The following ALDH4A1 variants were observed in gnomAD, a reference collection of about 807,000 sequenced individuals.
ALDH4A1 encodes the protein aldehyde dehydrogenase 4 family member A1.
A neutral mutation model predicts 70.5 loss-of-function variants in ALDH4A1; 46 were observed. That is an observed-to-expected ratio of 0.65 (90% CI 0.51 to 0.83). The LOEUF is 0.83. Among genes scored for constraint, ALDH4A1 ranks in the 40% least tolerant of loss-of-function variants. The pLI is 0.00. For missense variants in ALDH4A1, 749 were observed against 766.5 expected, an observed-to-expected ratio of 0.98 and a Z score of 0.27; for synonymous variants, 323 against 324.3, an observed-to-expected ratio of 1.00 and a Z score of 0.04.
rs1935689800 is a variant in ALDH4A1, at chr1:18,898,283, CTG to C, written c.62+4177_62+4178del. 6.6e-6 allele frequency among the ~76,000 whole-genome samples: 1 copy of C among 152,228 alleles called. No individual in the cohort carries two copies. The highest frequency in any genetic ancestry group is 1.5e-5 in the Non-Finnish European group (1 of 68,048). ...GCTGTAGTGAGCTGAGATCATGACACTGTACTCCAGCCTGGACAACAGAGTGA... is the reference window on the plus strand; with the variant it reads ...GCTGTAGTGAGCTGAGATCATGACACTACTCCAGCCTGGACAACAGAGTGA... On this transcript the variant is annotated intron_variant, in intron 1 of 14. Transcript: ENST00000375341. This position sits in a 1 kb window ranked among gnomAD's most constrained non-coding sequence, Gnocchi z 4.3.
chr1:18,877,212 G>GC lies in ALDH4A1; in HGVS notation c.1180dup (p.Ala394GlyfsTer29), dbSNP rs767665046. On this transcript the variant is annotated frameshift_variant, in exon 11 of 15. Coordinates refer to ENST00000375341, the MANE Select transcript of ALDH4A1 (RefSeq NM_003748.4). LOFTEE classifies it high-confidence loss of function. ...CGCCCACTTCCCACCCCGTACCTTG[G>GC]CATCAATCACTGCAGAGAAGAAGGT... 8.1e-6 allele frequency: 13 copies of GC among 1,608,516 alleles called. No individual in the cohort carries two copies. The highest frequency in any genetic ancestry group is 1.1e-5 in the Non-Finnish European group (13 of 1,177,356).
At chr1:18,885,441 G>GGCCCCCCCCCCCCCCCCCT in intron 5 of ALDH4A1, 32 bp downstream of exon 5, 1 of 423,746 alleles carries the variant, frequency 2.4e-6, no homozygotes, top group Non-Finnish European at 3.8e-6. Flanking sequence ...ACCCCACCCC[G>GGCCCCCCCCCCCCCCCCCT]CCCCACCCAC....
intron 1 of ALDH4A1, among the ~76,000 whole-genome samples, chr1:18,896,278 C>T (rs1309408267): frequency 6.6e-6 from 1 of 152,138 alleles, no homozygotes; most frequent in African/African-American, 2.4e-5. Context: ...TGACTGGCCA[C>T]AGTAAGCACC....
chr1:18,890,257 TTGGGC>T (rs773538025), intron 1 of ALDH4A1, 152 bp from the exon 2 acceptor site: 43 of 661,196 alleles, frequency 6.5e-5, no homozygotes, highest in Admixed American at 1.4e-4. Flanking sequence ...AAACCCCACC[TTGGGC>T]TGGGCATGGT....
chr1:18,902,312 C>T, intron 1 of ALDH4A1, 150 bp downstream of exon 1: 1 of 533,380 alleles, frequency 1.9e-6, no homozygotes, highest in Non-Finnish European at 2.9e-6. Flanking sequence ...GGGTGGGGGT[C>T]GGAGGGGAGC....
Position 18,872,796 on chromosome 1 carries a change from T to C in ALDH4A1, c.*49A>G. On this transcript the variant is annotated 3_prime_UTR_variant, in exon 15 of 15. Coordinates refer to ENST00000375341, the MANE Select transcript of ALDH4A1 (RefSeq NM_003748.4). ...CTGGAGTGGGGTCTGTGCAGTGAGG[T>C]CGGCCACCTGGACGGACAGACAGCT... The C allele has an allele frequency of 6.7e-7, 1 of 1,488,358 alleles. No individual in the cohort carries two copies. Among genetic ancestry groups the C allele is most frequent in the Non-Finnish European group, 9.3e-7 (1 of 1,071,844 alleles). The allele number at this position is 1,488,358 out of a possible 1,614,324, so 92.2% of individuals were successfully genotyped here. A position where few individuals can be genotyped will look rare whatever the true frequency, so the allele number is the denominator to read the frequency against.
intron 5 of ALDH4A1, 46 bp downstream of exon 5, chr1:18,885,427 T>TGCCACCCCCCCCCCCCCCCCCCCCCCC: frequency 1.4e-5 from 9 of 650,922 alleles, no homozygotes; most frequent in East Asian, 3.2e-5. Context: ...CACACCTGAC[T>TGCCACCCCCCCCCCCCCCCCCCCCCCC]CCCACCCCAC....
At chr1:18,890,615 T>C (rs1399883150) in intron 1 of ALDH4A1, 4 of 890,918 alleles carry the variant, frequency 4.5e-6, no homozygotes, top group Non-Finnish European at 2.7e-6. Context: ...CCCACGGTTG[T>C]GTGTCCTTGA....
intron 13 of ALDH4A1, 145 bp downstream of exon 13, chr1:18,875,237 C>T: frequency 7.3e-7 from 1 of 1,378,532 alleles, no homozygotes; most frequent in Non-Finnish European, 1.0e-6. Flanking sequence ...TGTGGCGAGC[C>T]CTGGCTGCCT....
chr1:18,883,003 A>G, intron 7 of ALDH4A1, 121 bp downstream of exon 7: 1 of 1,359,926 alleles, frequency 7.4e-7, no homozygotes, highest in South Asian at 1.2e-5. Context: ...AGCTGCCTCC[A>G]CCTTCTGTGC....
At position 18,879,452 on chromosome 1, in the gene ALDH4A1, G is replaced by C. The variant is rs909827749; in HGVS notation, c.867-79C>G. The C allele has an allele frequency of 4.7e-6, 6 of 1,276,596 alleles. No homozygotes were observed. In the African/African-American group the frequency reaches 7.3e-5, roughly 16 times the overall value. The allele number at this position is 1,276,596 out of a possible 1,614,324, so 79.1% of individuals were successfully genotyped here. The stretch of plus-strand genomic sequence containing the variant: ...GCGGAAAAGCCCAGGGAGGAGCATT[G>C]CCGGGGGCAGCCCAGCAGGAGGTGG... On this transcript the variant is annotated intron_variant, in intron 8 of 14. Coordinates refer to ENST00000375341, the MANE Select transcript of ALDH4A1 (RefSeq NM_003748.4).
At chr1:18,900,443 C>T (rs531482734) in intron 1 of ALDH4A1, among the ~76,000 whole-genome samples, 25 of 152,210 alleles carry the variant, frequency 1.6e-4, no homozygotes, top group African/African-American at 2.9e-4. Flanking sequence ...GGCTCTCAAC[C>T]GGAGGTGACT....
intron 9 of ALDH4A1, 75 bp downstream of exon 9, chr1:18,879,225 C>T (rs1264896220): frequency 7.0e-7 from 1 of 1,429,374 alleles, no homozygotes; most frequent in African/African-American, 1.4e-5. Flanking sequence ...TCCCCTCTAC[C>T]TCCCTCCTCT....
Position 18,889,367 on chromosome 1 carries a change from C to G in ALDH4A1, c.244G>C (p.Val82Leu). ...EVWTSDVQYQ[V>L]SPFNHGHKVA... ...TGCCCACCCGCTGGACATACCGACACTTGGTACTGCACGTCCGACGTCCAC... is the reference window on the plus strand; with the variant it reads ...TGCCCACCCGCTGGACATACCGACAGTTGGTACTGCACGTCCGACGTCCAC... The change falls in exon 3 of 15, where the codon GTG becomes CTG. Residue 82 changes from valine (V) to leucine (L), a missense_variant. Physicochemically the swap from Val to Leu is conservative, Grantham distance 32. Transcript: ENST00000375341. The G allele has an allele frequency of 1.3e-6, 2 of 1,552,204 alleles. No homozygotes were observed.
rs1016538004 is a variant in ALDH4A1 at position 18,880,636 on chromosome 1, G to T, written c.866+1064C>A. ...CAGGGAAAGGAAACAGCGTGGATCA[G>T]GTATGCAGGGAGCCAGAGGGCACCC... On this transcript the variant is annotated intron_variant, in intron 8 of 14. Transcript: ENST00000375341. The surrounding 1 kb of genome is among the most constrained non-coding windows in gnomAD (Gnocchi z 5.1). 2.0e-5 allele frequency among the ~76,000 whole-genome samples: 3 copies of T among 152,164 alleles called. No homozygotes were observed. The highest frequency in any genetic ancestry group is 7.2e-5 in the African/African-American group (3 of 41,430).
intron 1 of ALDH4A1, among the ~76,000 whole-genome samples, chr1:18,901,706 T>C (rs1935804182): frequency 1.3e-5 from 2 of 152,100 alleles, no homozygotes. Flanking sequence ...GTGAGAAGTT[T>C]AAATAGAGGT....
At chr1:18,890,227 A>G in intron 1 of ALDH4A1, 122 bp from the exon 2 acceptor site, 1 of 812,528 alleles carries the variant, frequency 1.2e-6, no homozygotes, top group South Asian at 1.5e-5. Context: ...AATCCAATGC[A>G]ACTAGAAAGT....
At position 18,877,219 on chromosome 1, in the gene ALDH4A1, T is replaced by A; in HGVS notation, c.1174A>T (p.Ile392Phe). Reference protein sequence around the residue: ...EDFGTFFSAVIDAKSFARIKK... With the variant: ...EDFGTFFSAVFDAKSFARIKK... The stretch of plus-strand genomic sequence containing the variant: ...TTCCCACCCCGTACCTTGGCATCAA[T>A]CACTGCAGAGAAGAAGGTCCCAAAA... Residue 392 changes from isoleucine (I) to phenylalanine (F), a missense_variant, in exon 11 of 15, where the codon ATT becomes TTT. Coordinates refer to ENST00000375341, the MANE Select transcript of ALDH4A1 (RefSeq NM_003748.4). The A allele has an allele frequency of 6.2e-7, 1 of 1,608,562 alleles. No homozygotes were observed. The highest frequency in any genetic ancestry group is 8.5e-7 in the Non-Finnish European group (1 of 1,177,382).
rs534240960 is a variant in ALDH4A1, at chr1:18,871,868, C to T, written c.*977G>A. The T allele has an allele frequency of 5.2e-5, 8 of 152,418 alleles. No homozygotes were observed. Among genetic ancestry groups the T allele is most frequent in the African/African-American group, 1.9e-4 (8 of 41,580 alleles). The allele number at this position is 152,418 out of a possible 1,614,324, so 9.4% of individuals were successfully genotyped here. ...AGTGAGGGACTGGTCCACACAGAGC[C>T]ACTCCCAGGCAGAGGAGGATTCTAC... On this transcript the variant is annotated 3_prime_UTR_variant, in exon 15 of 15. Coordinates refer to ENST00000375341, the MANE Select transcript of ALDH4A1 (RefSeq NM_003748.4).
Sources: gnomAD v4.1 joint callset for allele counts (sites outside exome capture counted in the v4.1 genomes callset) on GRCh38, gnomAD v4.1.1 for gene constraint, Gnocchi (gnomAD v3.1) non-coding constraint, MANE v1.5 for transcripts, NCBI Gene and HGNC (gene_info 2026-07-23, HGNC 2026-07-21) for gene names.